Variants in RASSF8 observed in about 807,000 individuals in gnomAD.
RASSF8 encodes the protein ras association domain-containing protein 8.
A neutral mutation model predicts 48.5 loss-of-function variants in RASSF8; 22 were observed. The observed-to-expected ratio is 0.45, with a 90% confidence interval of 0.32 to 0.65. The LOEUF is 0.65. RASSF8 is among the 30% of genes least tolerant of loss of function. RASSF8 has a pLI of 0.03. For missense variants in RASSF8, 418 were observed against 489.2 expected (o/e 0.85, Z 1.37); for synonymous variants, 127 against 171.5 (o/e 0.74, Z 2.03).
intron 3 of RASSF8, among the ~76,000 whole-genome samples, chr12:26,060,196 C>T (rs535664869): frequency 3.9e-5 from 6 of 152,258 alleles, no homozygotes; most frequent in Admixed American, 6.5e-5. Context: ...CGTGCCTGAC[C>T]ACTATTTTTA....
upstream of RASSF8, chr12:25,958,392 C>G (rs1031900505): frequency 2.0e-5 from 3 of 151,428 alleles, no homozygotes; most frequent in Admixed American, 1.3e-4. Flanking sequence ...GCCGGGCGAG[C>G]GTGGCCCGGT....
At chr12:25,960,810 A>G (rs578014102) in intron 1 of RASSF8, among the ~76,000 whole-genome samples, 2 of 152,282 alleles carry the variant, frequency 1.3e-5, no homozygotes, top group Non-Finnish European at 2.9e-5. Flanking sequence ...GGGCCCTGAG[A>G]GGGAGCAAAT....
chr12:26,064,334 G>A (rs149113882), intron 3 of RASSF8, among the ~76,000 whole-genome samples, 164 bp from the exon 4 acceptor site: 7 of 152,180 alleles, frequency 4.6e-5, no homozygotes, highest in African/African-American at 1.7e-4. Context: ...TGTCGTGAGG[G>A]GTTTGGTATC....
At chr12:26,041,256 T>C (rs1375672922) in intron 2 of RASSF8, among the ~76,000 whole-genome samples, 2 of 152,192 alleles carry the variant, frequency 1.3e-5, no homozygotes, top group Non-Finnish European at 2.9e-5. Flanking sequence ...TTGTTATCTA[T>C]CATGTTGAAA....
chr12:26,031,706 T>G (rs1485770888), intron 2 of RASSF8, among the ~76,000 whole-genome samples: 2 of 152,288 alleles, frequency 1.3e-5, no homozygotes, highest in East Asian at 3.9e-4. Flanking sequence ...TAAAGGCACT[T>G]GTTAGGTAGG....
intron 2 of RASSF8, among the ~76,000 whole-genome samples, chr12:26,029,105 A>G (rs1005886585): frequency 5.3e-5 from 8 of 152,222 alleles, no homozygotes; most frequent in Non-Finnish European, 1.0e-4. Context: ...GCATGGTGCT[A>G]TTCCACAAGT....
intron 2 of RASSF8, among the ~76,000 whole-genome samples, chr12:26,023,523 T>C (rs1407392053): frequency 6.6e-6 from 1 of 152,206 alleles, no homozygotes; most frequent in Non-Finnish European, 1.5e-5. Context: ...AACAATTTTA[T>C]GCAAAATGAA....
chr12:26,070,321 A>T lies in RASSF8; in HGVS notation c.*1503A>T. The T allele has an allele frequency of 5.1e-6, 5 of 985,408 alleles. No individual in the cohort carries two copies. The highest frequency in any genetic ancestry group is 6.0e-6 in the Non-Finnish European group (5 of 829,902). 61.0% of individuals were successfully genotyped at this position (985,408 alleles called of 1,614,324 possible). A position where few individuals can be genotyped will look rare whatever the true frequency, so the allele number is the denominator to read the frequency against. On this transcript the variant is annotated 3_prime_UTR_variant, in exon 6 of 6. Transcript: ENST00000689635. ...GACTTTGGTTTAGTGAATGCTGACA[A>T]TGCTGCTCTACTTAGGTTTCCTATG...
At chr12:25,966,924 T>C (rs967658114) in intron 1 of RASSF8, among the ~76,000 whole-genome samples, 6 of 152,250 alleles carry the variant, frequency 3.9e-5, no homozygotes, top group African/African-American at 1.2e-4. Flanking sequence ...TTTAGATCTG[T>C]GATGCATTTT....
At chr12:26,067,433 C>A (rs1392981539) in intron 4 of RASSF8, 136 bp from the exon 5 acceptor site, 51 of 964,364 alleles carry the variant, frequency 5.3e-5, no homozygotes, top group Admixed American at 8.0e-5. Context: ...TCAATATAAA[C>A]CAGATTTGTT....
chr12:26,012,686 T>TTC (rs1320032997), intron 2 of RASSF8, among the ~76,000 whole-genome samples: 1 of 149,880 alleles, frequency 6.7e-6, no homozygotes, highest in Non-Finnish European at 1.5e-5. Context: ...TTTTTTCTTT[T>TTC]TTTTTTTTTT....
downstream of RASSF8, among the ~76,000 whole-genome samples, chr12:26,074,282 A>G (rs1156396514): frequency 5.9e-5 from 9 of 152,112 alleles, no homozygotes; most frequent in Admixed American, 5.9e-4. Context: ...TTCTACAGAC[A>G]TTTAGTGAGC....
chr12:26,015,235 A>G (rs1397880130), intron 2 of RASSF8, among the ~76,000 whole-genome samples: 1 of 151,924 alleles, frequency 6.6e-6, no homozygotes, highest in Non-Finnish European at 1.5e-5. Flanking sequence ...ATATATGGTC[A>G]AAAGGTATTT....
chr12:25,977,904 C>T (rs1295577534), intron 1 of RASSF8, among the ~76,000 whole-genome samples: 2 of 152,168 alleles, frequency 1.3e-5, no homozygotes, highest in African/African-American at 4.8e-5. Context: ...ATTGTACCAT[C>T]TTTCAAAAGA....
At chr12:26,020,906 T>C (rs1565622339) in intron 2 of RASSF8, among the ~76,000 whole-genome samples, 1 of 152,174 alleles carries the variant, frequency 6.6e-6, no homozygotes, top group East Asian at 1.9e-4. Context: ...AAACAACATG[T>C]GTATCTTACG....
At chr12:26,065,794 C>T (rs944685300) in intron 4 of RASSF8, among the ~76,000 whole-genome samples, 5 of 152,182 alleles carry the variant, frequency 3.3e-5, no homozygotes, top group African/African-American at 1.2e-4. Flanking sequence ...CAGCTTCTTT[C>T]CTGACACATA....
At chr12:25,961,435 C>T (rs924915333) in intron 1 of RASSF8, among the ~76,000 whole-genome samples, 2 of 152,116 alleles carry the variant, frequency 1.3e-5, no homozygotes, top group Non-Finnish European at 2.9e-5. Context: ...CGTTTATTTA[C>T]TCTTCTTTGA....
intron 2 of RASSF8, chr12:26,011,943 G>C (rs1031428850): frequency 1.3e-5 from 2 of 152,206 alleles, no homozygotes. Flanking sequence ...TTAAAGCTTT[G>C]TTATTTTATG....
At position 26,020,763 on chromosome 12, in the gene RASSF8, T is replaced by G. The variant is rs140782587; in HGVS notation, c.-109+25633T>G. Among the ~76,000 whole-genome samples, 191 of 152,274 alleles carry G rather than the reference T, an allele frequency of 1.3e-3. 4 individuals carry two copies. The East Asian group carries it at 0.034, about 27-fold the overall frequency. On this transcript the variant is annotated intron_variant, in intron 2 of 5. Transcript: ENST00000689635. ...AAGTATCTATTTCTAGGGAAAAAAG[T>G]GAAATAAAAAAATACAGTCTGTGAA...
Sources: allele counts gnomAD v4.1 joint callset (sites outside exome capture counted in the v4.1 genomes callset), GRCh38; gene constraint gnomAD v4.1.1; transcripts MANE v1.5; gene names NCBI Gene and HGNC (gene_info 2026-07-23, HGNC 2026-07-21).